The following RYR2 variants were observed in gnomAD, a reference collection of about 807,000 sequenced individuals.
RYR2 encodes the protein cardiac muscle ryanodine receptor-calcium release channel.
Under a neutral mutation model 601.1 loss-of-function variants are expected in RYR2, and 227 were observed. That is an observed-to-expected ratio of 0.38 (90% confidence interval 0.34 to 0.42). The LOEUF (loss-of-function observed/expected upper bound fraction) is 0.42, where lower values mean the gene tolerates loss of function less well. Among genes scored for constraint, RYR2 ranks in the 10% least tolerant of loss-of-function variants. The pLI is 1.00. For synonymous variants in RYR2, 2,223 were observed against 2,175.1 expected (o/e 1.02, Z -0.61); for missense variants, 4,646 against 6,156.5 (o/e 0.75, Z 8.21).
At chr1:237,417,273 C>T in intron 11 of RYR2, 150 bp downstream of exon 11, 1 of 623,930 alleles carries the variant, frequency 1.6e-6, no homozygotes, top group African/African-American at 1.8e-5. Context: ...TCTCTTTTGT[C>T]TATTTCCTTC....
Position 237,784,600 on chromosome 1 carries a change from C to G in RYR2, c.12888C>G (p.His4296Gln). The G allele has an allele frequency of 6.2e-7, 1 of 1,613,972 alleles. No homozygotes were observed. Among genetic ancestry groups the G allele is most frequent in the Non-Finnish European group, 8.5e-7 (1 of 1,179,866 alleles). The change falls in exon 90 of 105, where the codon CAC becomes CAG. Residue 4296 changes from histidine (H) to glutamine (Q), a missense_variant. By Grantham distance (24) the His-to-Gln change is conservative (BLOSUM62 0). This residue lies in a region of RYR2 where 364 missense variants were observed against 442.9 expected (regional missense o/e 0.82). Coordinates refer to ENST00000366574, the MANE Select transcript of RYR2 (RefSeq NM_001035.3). This position sits in a 1 kb window ranked among gnomAD's most constrained non-coding sequence, Gnocchi z 7.1. ...SYWSIFMTLL[H>Q]FVASVFRGFF... is the part of the protein sequence containing the mutation. ...GGAGTATTTTCATGACCCTCTTGCACTTCGTGGCCAGCGTTTTCAGAGGCT... is the reference window on the plus strand; with the variant it reads ...GGAGTATTTTCATGACCCTCTTGCAGTTCGTGGCCAGCGTTTTCAGAGGCT...
At chr1:237,414,806 C>A (rs1400426610) in intron 10 of RYR2, among the ~76,000 whole-genome samples, 1 of 152,150 alleles carries the variant, frequency 6.6e-6, no homozygotes, top group East Asian at 1.9e-4. Flanking sequence ...AAATGACATT[C>A]TGTCATTCTT....
chr1:237,747,487 C>T (rs961145953), intron 80 of RYR2, among the ~76,000 whole-genome samples: 9 of 152,088 alleles, frequency 5.9e-5, no homozygotes, highest in Admixed American at 5.9e-4. Context: ...ACAGTATGCA[C>T]CATTAAGTAT....
chr1:237,770,934 G>A (rs766449634), intron 85 of RYR2, 47 bp downstream of exon 85: 5 of 1,189,348 alleles, frequency 4.2e-6, no homozygotes, highest in Non-Finnish European at 6.0e-6. Flanking sequence ...CATAAATAAT[G>A]TTTTCAAGCC....
At chr1:237,565,207 CTTTCTTTCTT>C (rs1242506056) in intron 27 of RYR2, among the ~76,000 whole-genome samples, 11 of 95,224 alleles carry the variant, frequency 1.2e-4, no homozygotes, top group African/African-American at 4.5e-4. Context: ...TTCTTTCTTT[CTTTCTTTCTT>C]TCTTTCTTTT....
chr1:237,361,367 G>T (rs1365577952), intron 4 of RYR2, among the ~76,000 whole-genome samples: 1 of 152,120 alleles, frequency 6.6e-6, no homozygotes, highest in Non-Finnish European at 1.5e-5. Flanking sequence ...CCTCACAAAG[G>T]AGAGGTTACC....
chr1:237,554,548 T>G (rs896757637), intron 27 of RYR2, among the ~76,000 whole-genome samples: 7 of 151,998 alleles, frequency 4.6e-5, no homozygotes, highest in Non-Finnish European at 7.4e-5. Context: ...GAATTTGTGT[T>G]AATTCTACAT....
At chr1:237,126,896 A>G (rs1031015529) in intron 1 of RYR2, among the ~76,000 whole-genome samples, 4 of 151,266 alleles carry the variant, frequency 2.6e-5, no homozygotes, top group African/African-American at 9.7e-5. Flanking sequence ...CAAGTGAACA[A>G]AGGTCTCTGG....
chr1:237,724,034 C>T (rs544639537), intron 74 of RYR2, among the ~76,000 whole-genome samples: 2 of 151,788 alleles, frequency 1.3e-5, no homozygotes, highest in South Asian at 2.1e-4. Context: ...AGTGAAGAAG[C>T]TCATTGTAAC....
At chr1:237,269,095 C>T (rs577355948) in intron 1 of RYR2, among the ~76,000 whole-genome samples, 3,265 of 118,872 alleles carry the variant, frequency 0.027, 394 homozygotes, top group African/African-American at 0.092. Flanking sequence ...CAGGCTGGAG[C>T]GCAATGGCAC....
chr1:237,065,638 A>G (rs1572509566), intron 1 of RYR2, among the ~76,000 whole-genome samples: 2 of 152,166 alleles, frequency 1.3e-5, no homozygotes, highest in East Asian at 3.9e-4. Flanking sequence ...TCCCTAGCCC[A>G]TGGGAGCCAC....
At chr1:237,056,594 C>CAGCACTGCACCTGTGAGGACTGG (rs1187680368) in intron 1 of RYR2, among the ~76,000 whole-genome samples, 40,195 of 52,396 alleles carry the variant, frequency 0.77, 17,854 homozygotes, top group Non-Finnish European at 0.92. Flanking sequence ...GTGAGGACTG[C>CAGCACTGCACCTGTGAGGACTGG]AGCACTGCAC....
intron 97 of RYR2, 107 bp downstream of exon 97, chr1:237,798,277 T>A: frequency 9.9e-7 from 1 of 1,013,542 alleles, no homozygotes. Context: ...GTCAGAAGAA[T>A]AGATAGATGA....
intron 1 of RYR2, among the ~76,000 whole-genome samples, chr1:237,255,817 A>G (rs1687902683): frequency 6.7e-6 from 1 of 148,258 alleles, no homozygotes. Flanking sequence ...GTGATGTTCT[A>G]GTTGTGCTGC....
chr1:237,562,244 G>A (rs764580064), intron 27 of RYR2, among the ~76,000 whole-genome samples: 69 of 152,062 alleles, frequency 4.5e-4, no homozygotes, highest in Non-Finnish European at 8.4e-4. Context: ...GATTTGAATT[G>A]TTTTATCCAA....
At chr1:237,732,220 C>A in intron 78 of RYR2, 71 bp downstream of exon 78, 4 of 873,038 alleles carry the variant, frequency 4.6e-6, no homozygotes, top group South Asian at 1.6e-5. Context: ...GTATTCTGTG[C>A]CATGTGTTCA....
intron 6 of RYR2, among the ~76,000 whole-genome samples, chr1:237,371,654 A>G (rs1390912614): frequency 6.6e-6 from 1 of 152,216 alleles, no homozygotes; most frequent in Non-Finnish European, 1.5e-5. Flanking sequence ...CTACGTATCA[A>G]TAACACTATC....
chr1:237,589,075 T>C (rs1674859825), intron 29 of RYR2, among the ~76,000 whole-genome samples: 1 of 152,256 alleles, frequency 6.6e-6, no homozygotes, highest in Non-Finnish European at 1.5e-5. Context: ...TGGTTTTTGC[T>C]CTATTGTTCA....
chr1:237,664,540 G>A (rs1239419786), intron 56 of RYR2, among the ~76,000 whole-genome samples: 1 of 152,192 alleles, frequency 6.6e-6, no homozygotes, highest in Non-Finnish European at 1.5e-5. Context: ...GGAACCAAGT[G>A]AGAGGGGTTT....
Sources: gnomAD v4.1 joint callset for allele counts (sites outside exome capture counted in the v4.1 genomes callset) on GRCh38, gnomAD v4.1.1 for gene constraint, gnomAD v4.1.1 regional missense constraint, Gnocchi (gnomAD v3.1) non-coding constraint, MANE v1.5 for transcripts, NCBI Gene and HGNC (gene_info 2026-07-23, HGNC 2026-07-21) for gene names.